PTPRG: variants seen among roughly 807,000 people sequenced by gnomAD.
The protein encoded by PTPRG is protein tyrosine phosphatase receptor type G, also known as receptor-type tyrosine-protein phosphatase gamma.
Under a neutral mutation model 165.3 loss-of-function variants are expected in PTPRG, and 102 were observed. The ratio of observed to expected loss-of-function variants is 0.62; its 90% confidence interval spans 0.53 to 0.73. The LOEUF (loss-of-function observed/expected upper bound fraction) is 0.73, where lower values mean the gene tolerates loss of function less well. Among genes scored for constraint, PTPRG ranks in the 30% least tolerant of loss-of-function variants. The pLI is 0.00. For missense variants in PTPRG, 1,866 were observed against 1,861.4 expected, an observed-to-expected ratio of 1.00 and a Z score of -0.05; for synonymous variants, 675 against 669.5, an observed-to-expected ratio of 1.01 and a Z score of -0.13.
chr3:61,893,625 A>T (rs1404669473), intron 2 of PTPRG, among the ~76,000 whole-genome samples: 1 of 152,152 alleles, frequency 6.6e-6, no homozygotes, highest in Non-Finnish European at 1.5e-5. Context: ...CTTTCATCTA[A>T]TGAGGTATGT....
At chr3:62,132,467 G>C (rs1703552004) in intron 5 of PTPRG, 135 bp from the exon 6 acceptor site, 4 of 704,986 alleles carry the variant, frequency 5.7e-6, no homozygotes, top group Admixed American at 3.9e-5. Flanking sequence ...TTTGGTGAGA[G>C]CCATGGTGTA....
At chr3:62,281,443 A>C in intron 26 of PTPRG, 120 bp from the exon 27 acceptor site, 32 of 789,230 alleles carry the variant, frequency 4.1e-5, no homozygotes, top group Non-Finnish European at 4.7e-5. Flanking sequence ...TATAACTCTT[A>C]TGAATTCAGT....
chr3:61,878,122 A>G (rs1485779783), intron 2 of PTPRG, among the ~76,000 whole-genome samples: 1 of 152,216 alleles, frequency 6.6e-6, no homozygotes, highest in African/African-American at 2.4e-5. Flanking sequence ...TTTATCACCC[A>G]AACTCACTGA....
intron 2 of PTPRG, among the ~76,000 whole-genome samples, chr3:61,775,510 C>T (rs2034350489): frequency 6.6e-6 from 1 of 152,102 alleles, no homozygotes; most frequent in South Asian, 2.1e-4. Context: ...GGGAGAAATG[C>T]TAACCTCATA....
chr3:61,594,106 A>C (rs1377151934), intron 1 of PTPRG, among the ~76,000 whole-genome samples: 1 of 152,218 alleles, frequency 6.6e-6, no homozygotes. Flanking sequence ...TATACTAGGC[A>C]TGGTTCTTAA....
rs1477367161 is a variant in PTPRG, at chr3:62,245,934, T to C, written c.2467+2036T>C. Among the ~76,000 whole-genome samples the C allele has an allele frequency of 6.6e-6, 1 of 152,190 alleles. No individual in the cohort carries two copies. The highest frequency in any genetic ancestry group is 2.4e-5 in the African/African-American group (1 of 41,462). On this transcript the variant is annotated intron_variant, in intron 15 of 29. Coordinates refer to ENST00000474889, the MANE Select transcript of PTPRG (RefSeq NM_002841.4). The surrounding 1 kb of genome is among the most constrained non-coding windows in gnomAD (Gnocchi z 4.2). ...TCACTAGGATCCTCTGAATATGCCT[T>C]GCAACACCTTTGAGTAGGTATATTA...
chr3:61,658,721 C>T lies in PTPRG; in HGVS notation c.86-90157C>T, dbSNP rs1235406713. On this transcript the variant is annotated intron_variant, in intron 1 of 29. Transcript: ENST00000474889. ...CTTGTTCACTGCTCTGTCTCAGCAC[C>T]CAGCACCTACTAGGTGAAGTATTTA... is the stretch of plus-strand genomic sequence containing the variant. 2.6e-5 allele frequency among the ~76,000 whole-genome samples: 4 copies of T among 152,056 alleles called. No individual in the cohort carries two copies. In the East Asian group the frequency reaches 7.7e-4, roughly 29 times the overall value.
intron 2 of PTPRG, among the ~76,000 whole-genome samples, chr3:61,809,432 C>G (rs2107202899): frequency 6.6e-6 from 1 of 152,034 alleles, no homozygotes; most frequent in African/African-American, 2.4e-5. Flanking sequence ...AGGAGTGGGA[C>G]AGATAGAAAA....
At chr3:62,177,875 T>C (rs1187199292) in intron 8 of PTPRG, among the ~76,000 whole-genome samples, 1 of 152,210 alleles carries the variant, frequency 6.6e-6, no homozygotes, top group Non-Finnish European at 1.5e-5. Context: ...GTTGAATTTT[T>C]ACATCTGATT....
chr3:61,731,189 G>GA (rs1252718566), intron 1 of PTPRG, among the ~76,000 whole-genome samples: 1 of 151,976 alleles, frequency 6.6e-6, no homozygotes, highest in Non-Finnish European at 1.5e-5. Flanking sequence ...CTCTTGAATA[G>GA]AAAAAAGGAA....
intron 1 of PTPRG, among the ~76,000 whole-genome samples, chr3:61,628,764 A>T (rs1442068509): frequency 6.6e-6 from 1 of 152,202 alleles, no homozygotes; most frequent in Admixed American, 6.5e-5. Context: ...CCACTCATCC[A>T]TCTCTGACCC....
chr3:61,939,908 TG>T (rs1199844134), intron 2 of PTPRG, among the ~76,000 whole-genome samples: 9 of 144,210 alleles, frequency 6.2e-5, no homozygotes, highest in African/African-American at 2.3e-4. Context: ...GTCCATGTCT[TG>T]GCTTCCTTAC....
intron 1 of PTPRG, among the ~76,000 whole-genome samples, chr3:61,741,297 T>TGTGAGTGC (rs1431192333): frequency 6.6e-6 from 1 of 152,206 alleles, no homozygotes; most frequent in Non-Finnish European, 1.5e-5. Context: ...GATTTGACAA[T>TGTGAGTGC]GTGAGTGCCT....
intron 1 of PTPRG, among the ~76,000 whole-genome samples, chr3:61,587,042 T>A (rs1480157043): frequency 6.6e-6 from 1 of 152,164 alleles, no homozygotes. Flanking sequence ...GTGTTCTGAC[T>A]CCTTTTTATG....
At chr3:62,157,763 A>C (rs1704595361) in intron 7 of PTPRG, among the ~76,000 whole-genome samples, 4 of 152,206 alleles carry the variant, frequency 2.6e-5, no homozygotes, top group Admixed American at 2.6e-4. Context: ...CTGACCACTA[A>C]GCCTACCCAC....
At chr3:62,244,699 C>T (rs1157102059) in intron 15 of PTPRG, among the ~76,000 whole-genome samples, 1 of 152,182 alleles carries the variant, frequency 6.6e-6, no homozygotes, top group East Asian at 1.9e-4. Context: ...CTCCATAATG[C>T]TTTCCACCAG....
At chr3:61,790,290 T>TTC (rs2034832781) in intron 2 of PTPRG, among the ~76,000 whole-genome samples, 1 of 152,214 alleles carries the variant, frequency 6.6e-6, no homozygotes, top group South Asian at 2.1e-4. Flanking sequence ...AGTTGTTGCC[T>TTC]TCTCTTCTCC....
intron 2 of PTPRG, among the ~76,000 whole-genome samples, chr3:61,778,784 C>T (rs191474713): frequency 1.2e-3 from 189 of 152,184 alleles, no homozygotes; most frequent in African/African-American, 4.3e-3. Context: ...GGGAAGGTCT[C>T]CCAGTCATGT....
At chr3:61,863,857 A>G (rs1054728709) in intron 2 of PTPRG, among the ~76,000 whole-genome samples, 1 of 152,232 alleles carries the variant, frequency 6.6e-6, no homozygotes, top group African/African-American at 2.4e-5. Context: ...ACAGTTCAGC[A>G]GGTTGAGGGA....
Sources: allele counts gnomAD v4.1 joint callset (sites outside exome capture counted in the v4.1 genomes callset), GRCh38; gene constraint gnomAD v4.1.1; non-coding constraint Gnocchi (gnomAD v3.1); transcripts MANE v1.5; gene names NCBI Gene and HGNC (gene_info 2026-07-23, HGNC 2026-07-21).